Variants in RANBP2 observed in about 807,000 individuals in gnomAD.
The protein encoded by RANBP2 is E3 SUMO-protein ligase RanBP2.
Under a neutral mutation model 303.6 loss-of-function variants are expected in RANBP2, and 57 were observed. The ratio of observed to expected loss-of-function variants is 0.19; its 90% confidence interval spans 0.15 to 0.23. RANBP2 has a LOEUF of 0.23. RANBP2 is among the 10% of genes least tolerant of loss of function. The pLI, the probability that RANBP2 is intolerant of heterozygous loss-of-function variation, is 1.00. For synonymous variants in RANBP2, 1,167 were observed against 1,301.5 expected, an observed-to-expected ratio of 0.90 and a Z score of 2.23; for missense variants, 3,138 against 3,780.8, an observed-to-expected ratio of 0.83 and a Z score of 4.46.
At chr2:109,485,534 G>A in the RANBP2 span, among the ~76,000 whole-genome samples, 1 of 152,176 alleles carries the variant, frequency 6.6e-6, no homozygotes, top group South Asian at 2.1e-4. Context: ...CCCTAGAGGA[G>A]CCCCCATCTT....
the RANBP2 span, among the ~76,000 whole-genome samples, chr2:109,188,131 G>A: frequency 6.6e-6 from 1 of 152,248 alleles, no homozygotes; most frequent in Non-Finnish European, 1.5e-5. Context: ...ATGAGCATGG[G>A]AAACAAAATA....
the RANBP2 span, among the ~76,000 whole-genome samples, chr2:109,073,772 T>C: frequency 6.6e-6 from 1 of 150,788 alleles, no homozygotes; most frequent in Admixed American, 6.6e-5. Flanking sequence ...ACATATGCAT[T>C]ATGAGACACT....
chr2:108,982,402 C>T, the RANBP2 span, among the ~76,000 whole-genome samples: 80 of 152,332 alleles, frequency 5.3e-4, 1 homozygote, highest in African/African-American at 1.8e-3. Context: ...TAACTGATGC[C>T]GTGGGAGGCA....
the RANBP2 span, among the ~76,000 whole-genome samples, chr2:109,530,581 C>T: frequency 3.3e-5 from 5 of 152,150 alleles, no homozygotes; most frequent in African/African-American, 1.2e-4. Flanking sequence ...GAATGATATG[C>T]AAGGTTCTAA....
chr2:108,719,515 A>G lies in RANBP2; in HGVS notation c.-92A>G, dbSNP rs1416382233. 2 of 1,539,026 alleles carry G rather than the reference A, an allele frequency of 1.3e-6. No homozygotes were observed. Among genetic ancestry groups the G allele is most frequent in the Non-Finnish European group, 8.8e-7 (1 of 1,140,934 alleles). ...CCTCCGCCGGCTACGGCGCTGCGTC[A>G]CTGGTTTGCAGGCGCTTTCCTCTTG... On this transcript the variant is annotated 5_prime_UTR_variant, in exon 1 of 29. Coordinates refer to ENST00000283195, the MANE Select transcript of RANBP2 (RefSeq NM_006267.5).
At chr2:109,062,035 T>C in the RANBP2 span, among the ~76,000 whole-genome samples, 1 of 152,154 alleles carries the variant, frequency 6.6e-6, no homozygotes, top group Non-Finnish European at 1.5e-5. Flanking sequence ...GAAAGTCTGG[T>C]TTCCTGGCTT....
chr2:109,036,593 T>C, the RANBP2 span, among the ~76,000 whole-genome samples: 1 of 152,218 alleles, frequency 6.6e-6, no homozygotes, highest in Non-Finnish European at 1.5e-5. Context: ...AAAATGATTA[T>C]ATCATTTGAT....
At chr2:109,221,319 AC>A in the RANBP2 span, among the ~76,000 whole-genome samples, 6,169 of 152,260 alleles carry the variant, frequency 0.041, 379 homozygotes, top group East Asian at 0.31. Context: ...CAGGTGACTC[AC>A]GGCTGTAATC....
At chr2:109,278,617 A>G in the RANBP2 span, among the ~76,000 whole-genome samples, 1 of 152,194 alleles carries the variant, frequency 6.6e-6, no homozygotes. Context: ...TGCTATTCAC[A>G]GTCACTTGTG....
In RANBP2 at chr2:108,773,345, CG is replaced by C. The variant is rs542658936; in HGVS notation, c.8292+301del. Among the ~76,000 whole-genome samples the C allele has an allele frequency of 1.9e-3, 291 of 151,988 alleles. 3 individuals are homozygous for C. The highest frequency in any genetic ancestry group is 6.8e-3 in the African/African-American group (282 of 41,444). On this transcript the variant is annotated intron_variant, in intron 23 of 28. Transcript: ENST00000283195. ...GTTGGGCCAGGCTGGTCTCGAACTC[CG>C]GACCTCAGGTGATGCGCCTGACCTA...
At position 108,764,376 on chromosome 2, in the gene RANBP2, A is replaced by G. The variant is rs1676962208; in HGVS notation, c.3837A>G (p.Glu1279=). 6.2e-7 allele frequency: 1 copy of G among 1,613,868 alleles called. No individual in the cohort carries two copies. Among genetic ancestry groups the G allele is most frequent in the African/African-American group, 1.3e-5 (1 of 74,926 alleles). ...LDYADELPKP[E]QLAIRFKTPE... ...ATGCAGATGAGTTGCCAAAACCAGA[A>G]CAACTTGCTATTAGGTTCAAAACTC... The change falls in exon 20 of 29, where the codon GAA becomes GAG. Residue 1279 remains glutamate (E), a synonymous_variant. Coordinates refer to ENST00000283195, the MANE Select transcript of RANBP2 (RefSeq NM_006267.5).
the RANBP2 span, among the ~76,000 whole-genome samples, chr2:109,146,197 A>C: frequency 6.6e-6 from 1 of 152,142 alleles, no homozygotes; most frequent in Non-Finnish European, 1.5e-5. Flanking sequence ...AATAATGGCC[A>C]TTATTATTGG....
At chr2:109,539,008 A>G in the RANBP2 span, among the ~76,000 whole-genome samples, 3 of 152,320 alleles carry the variant, frequency 2.0e-5, no homozygotes, top group Non-Finnish European at 4.4e-5. Context: ...CATATCATAA[A>G]CAATATTTTG....
the RANBP2 span, chr2:108,873,312 A>G: frequency 1.4e-6 from 1 of 724,746 alleles, no homozygotes; most frequent in Non-Finnish European, 2.0e-6. Context: ...TGATATTTTC[A>G]CTCAAAAATT....
chr2:109,574,466 A>AAAAAAAAG, the RANBP2 span: 1 of 573,010 alleles, frequency 1.7e-6, no homozygotes. Flanking sequence ...AAAAAAAAAA[A>AAAAAAAAG]TTTAAAAAAG....
chr2:108,935,232 A>G, the RANBP2 span, among the ~76,000 whole-genome samples: 3 of 152,108 alleles, frequency 2.0e-5, no homozygotes, highest in Non-Finnish European at 4.4e-5. Flanking sequence ...GAATGATGAC[A>G]CAGCTGTAAT....
At chr2:109,282,888 C>A in the RANBP2 span, among the ~76,000 whole-genome samples, 1 of 152,048 alleles carries the variant, frequency 6.6e-6, no homozygotes, top group Non-Finnish European at 1.5e-5. Context: ...AGTCTGATGG[C>A]CCCTGTAGAC....
chr2:109,107,383 T>C, the RANBP2 span, among the ~76,000 whole-genome samples: 1 of 152,180 alleles, frequency 6.6e-6, no homozygotes, highest in East Asian at 1.9e-4. Flanking sequence ...GAGAGCAAAG[T>C]AGAGCCAGCC....
chr2:109,628,631 C>G, the RANBP2 span, among the ~76,000 whole-genome samples: 1 of 152,128 alleles, frequency 6.6e-6, no homozygotes, highest in African/African-American at 2.4e-5. Context: ...AATACTTTCT[C>G]AGGTGGATAC....
Sources: gnomAD v4.1 joint callset for allele counts (sites outside exome capture counted in the v4.1 genomes callset) on GRCh38, gnomAD v4.1.1 for gene constraint, MANE v1.5 for transcripts, NCBI Gene and HGNC (gene_info 2026-07-23, HGNC 2026-07-21) for gene names.